The following TBC1D2 variants were observed in gnomAD, a reference collection of about 807,000 sequenced individuals.
TBC1D2 encodes TBC1 domain family member 2A.
Under a neutral mutation model 91.1 loss-of-function variants are expected in TBC1D2, and 58 were observed. The observed-to-expected ratio is 0.64, with a 90% confidence interval of 0.52 to 0.79. TBC1D2 has a LOEUF of 0.79. TBC1D2 is among the 30% of genes least tolerant of loss of function. The pLI is 0.00. For missense variants in TBC1D2, 1,080 were observed against 1,208.3 expected (o/e 0.89, Z 1.57); for synonymous variants, 482 against 511.5 (o/e 0.94, Z 0.78).
intron 3 of TBC1D2, among the ~76,000 whole-genome samples, chr9:98,243,601 A>G (rs1829698894): frequency 6.7e-6 from 1 of 149,232 alleles, no homozygotes; most frequent in Non-Finnish European, 1.5e-5. Flanking sequence ...CAATGGTGCA[A>G]TCTCGGCTCA....
chr9:98,208,680 T>C lies in TBC1D2; in HGVS notation c.2138A>G (p.Gln713Arg). 6.5e-7 allele frequency: 1 copy of C among 1,529,772 alleles called. No homozygotes were observed. Among genetic ancestry groups the C allele is most frequent in the South Asian group, 1.3e-5 (1 of 78,838 alleles). The allele number at this position is 1,529,772 out of a possible 1,614,324, so 94.8% of individuals were successfully genotyped here. Residue 713 changes from glutamine to arginine, a missense_variant, in exon 9 of 13, where the codon CAG becomes CGG. Physicochemically the swap from Gln to Arg is conservative, Grantham distance 43. Transcript: ENST00000465784. The part of the protein sequence containing the change: ...SWQNPTIGYC[Q>R]GLNRLAAIAL... ...TTTGGTGGCTTACCTGTTCAGGCCC[T>C]GGCAGTAGCCGATGGTGGGGTTCTG...
Position 98,203,385 on chromosome 9 carries a change from A to C in TBC1D2, c.2174T>G (p.Val725Gly). Residue 725 changes from valine (V) to glycine (G), a missense_variant, in exon 10 of 13, where the codon GTC (valine) becomes GGC (glycine). By Grantham distance (109) the Val-to-Gly change is moderately radical. Transcript: ENST00000465784. ...LNRLAAIALL[V>G]LEEEESAFWC... ...GAAGGCGCTCTCCTCCTCCTCTAGG[A>C]CCAGCAGGGCAATGGCCGCCAGCCT... 1 of 1,614,168 alleles carries C rather than the reference A, an allele frequency of 6.2e-7. No individual in the cohort carries two copies. Among genetic ancestry groups the C allele is most frequent in the South Asian group, 1.1e-5 (1 of 91,086 alleles).
At chr9:98,248,718 G>T (rs1420980207) in intron 2 of TBC1D2, among the ~76,000 whole-genome samples, 1 of 152,216 alleles carries the variant, frequency 6.6e-6, no homozygotes, top group Non-Finnish European at 1.5e-5. Flanking sequence ...GATTAAATAA[G>T]ATGACGCATG....
At chr9:98,212,087 G>A (rs570825379) in intron 7 of TBC1D2, among the ~76,000 whole-genome samples, 7 of 152,016 alleles carry the variant, frequency 4.6e-5, no homozygotes, top group South Asian at 4.2e-4. Context: ...CTGTGCCACC[G>A]CACCTGGCCC....
In TBC1D2 at chr9:98,229,291, G is replaced by A. The variant is rs1315502488; in HGVS notation, c.782-143C>T. On this transcript the variant is annotated intron_variant, in intron 4 of 12. Transcript: ENST00000465784. ...TCGGAGCTCTGGATTTAATAGGTCTGGGGCAGGGCTTGAGAATATGCACTT... is the reference window on the plus strand; with the variant it reads ...TCGGAGCTCTGGATTTAATAGGTCTAGGGCAGGGCTTGAGAATATGCACTT... The A allele has an allele frequency of 8.4e-6, 6 of 711,884 alleles. No homozygotes were observed. In the South Asian group the frequency reaches 9.5e-5, roughly 11 times the overall value. 44.1% of individuals were successfully genotyped at this position (711,884 alleles called of 1,614,324 possible).
chr9:98,242,413 C>G (rs1829661213), intron 3 of TBC1D2, among the ~76,000 whole-genome samples: 1 of 150,038 alleles, frequency 6.7e-6, no homozygotes, highest in Non-Finnish European at 1.5e-5. Context: ...TGCTCTCCAG[C>G]CCGGGCAACA....
chr9:98,227,720 T>G (rs1440761627), intron 5 of TBC1D2, among the ~76,000 whole-genome samples: 1 of 151,050 alleles, frequency 6.6e-6, no homozygotes, highest in African/African-American at 2.4e-5. Context: ...AGGCAGAGGT[T>G]GCAGTGAGCC....
At position 98,228,219 on chromosome 9, in the gene TBC1D2, G is replaced by A. The variant is rs953873212; in HGVS notation, c.978+733C>T. ...TATGTAACAACTGCCTAACTTAGTC[G>A]CTTTTATCACTCTAAAGAGGGGCTC... On this transcript the variant is annotated intron_variant, in intron 5 of 12. Coordinates refer to ENST00000465784, the MANE Select transcript of TBC1D2 (RefSeq NM_001267571.2). This position sits in a 1 kb window ranked among gnomAD's most constrained non-coding sequence, Gnocchi z 4.0. 1.3e-5 allele frequency among the ~76,000 whole-genome samples: 2 copies of A among 152,170 alleles called. No homozygotes were observed. The highest frequency in any genetic ancestry group is 1.9e-4 in the East Asian group (1 of 5,180).
At chr9:98,237,358 G>GA (rs993366209) in intron 3 of TBC1D2, among the ~76,000 whole-genome samples, 4 of 147,146 alleles carry the variant, frequency 2.7e-5, no homozygotes, top group East Asian at 2.0e-4. Context: ...AAAAAAAAAA[G>GA]AAAAAAAAGA....
At chr9:98,217,317 T>G (rs1489823403) in intron 6 of TBC1D2, among the ~76,000 whole-genome samples, 2 of 152,258 alleles carry the variant, frequency 1.3e-5, no homozygotes, top group African/African-American at 4.8e-5. Context: ...CCGGGAATTC[T>G]CTTTGGGCCA....
intron 9 of TBC1D2, among the ~76,000 whole-genome samples, chr9:98,205,868 T>G (rs1225304826): frequency 6.7e-6 from 1 of 148,166 alleles, no homozygotes; most frequent in Admixed American, 6.7e-5. Flanking sequence ...GGCCCACACA[T>G]GCAGTTCTAA....
chr9:98,252,089 C>G (rs73488767), intron 1 of TBC1D2, among the ~76,000 whole-genome samples, 163 bp from the exon 2 acceptor site: 10,624 of 152,156 alleles, frequency 0.07, 833 homozygotes, highest in African/African-American at 0.2. Flanking sequence ...AGAAGATCAT[C>G]AGGCTCTGGT....
Position 98,216,583 on chromosome 9 carries a change from G to A in TBC1D2, c.1375-3365C>T, listed in dbSNP as rs1351378685. On this transcript the variant is annotated intron_variant, in intron 6 of 12. Transcript: ENST00000465784. ...ATGGCAGGTGCTCAGCAGACACTGC[G>A]TAGAGAAAGCAGACCCAGCTCTGGC... Among the ~76,000 whole-genome samples, 7 of 152,356 alleles carry A rather than the reference G, an allele frequency of 4.6e-5. No homozygotes were observed. In the East Asian group the frequency reaches 5.8e-4, roughly 13 times the overall value.
intron 7 of TBC1D2, among the ~76,000 whole-genome samples, chr9:98,212,375 TCTC>T (rs1390898616): frequency 6.6e-6 from 1 of 152,166 alleles, no homozygotes; most frequent in Non-Finnish European, 1.5e-5. Context: ...GGAAGGTCCT[TCTC>T]CACTGCTTGC....
At chr9:98,240,614 G>C (rs1013164950) in intron 3 of TBC1D2, among the ~76,000 whole-genome samples, 1 of 152,192 alleles carries the variant, frequency 6.6e-6, no homozygotes, top group Non-Finnish European at 1.5e-5. Context: ...CACTGGCTAG[G>C]TGGGGTAATC....
At chr9:98,248,171 G>A (rs1033274365) in intron 2 of TBC1D2, among the ~76,000 whole-genome samples, 14 of 152,228 alleles carry the variant, frequency 9.2e-5, no homozygotes, top group Non-Finnish European at 1.8e-4. Flanking sequence ...TGGCTTATCA[G>A]AGCAGCCTTT....
At chr9:98,224,122 G>A (rs1015936313) in intron 5 of TBC1D2, among the ~76,000 whole-genome samples, 5 of 151,788 alleles carry the variant, frequency 3.3e-5, no homozygotes, top group East Asian at 2.0e-4. Flanking sequence ...GTGTGAACCC[G>A]GGAGGCGGAG....
Position 98,209,153 on chromosome 9 carries a change from A to T in TBC1D2, c.1674-9T>A, listed in dbSNP as rs533677222. On this transcript the variant is annotated splice_polypyrimidine_tract_variant and intron_variant, in intron 8 of 12. Transcript: ENST00000465784. ...CGTACTCATCATACTTACTGCCAGC[A>T]AAAGTGCACGTTAGCAACACCTTGC... The T allele has an allele frequency of 6.2e-7, 1 of 1,603,578 alleles. No homozygotes were observed. The highest frequency in any genetic ancestry group is 2.2e-5 in the East Asian group (1 of 44,566).
chr9:98,244,277 A>T, intron 2 of TBC1D2, 148 bp from the exon 3 acceptor site: 1 of 1,036,318 alleles, frequency 9.6e-7, no homozygotes, highest in Non-Finnish European at 1.4e-6. Context: ...GTAGGTTAAC[A>T]GCAGCAAAAT....
Sources: allele counts gnomAD v4.1 joint callset (sites outside exome capture counted in the v4.1 genomes callset), GRCh38; gene constraint gnomAD v4.1.1; non-coding constraint Gnocchi (gnomAD v3.1); transcripts MANE v1.5; gene names NCBI Gene and HGNC (gene_info 2026-07-23, HGNC 2026-07-21).